The following NRG3 variants were observed in gnomAD, a reference collection of about 807,000 sequenced individuals.
The protein encoded by NRG3 is pro-neuregulin-3, membrane-bound isoform.
NRG3 carries 31 observed loss-of-function variants against 66.9 expected under a neutral mutation model. The observed-to-expected ratio is 0.46, with a 90% confidence interval of 0.35 to 0.63. The LOEUF (loss-of-function observed/expected upper bound fraction) is 0.63. Among genes scored for constraint, NRG3 ranks in the 20% least tolerant of loss-of-function variants. The pLI is 0.00. For synonymous variants in NRG3, 393 were observed against 359.4 expected (o/e 1.09, Z -1.06); for missense variants, 910 against 878.9 (o/e 1.04, Z -0.45).
At chr10:82,351,060 T>G (rs991946450) in intron 1 of NRG3, among the ~76,000 whole-genome samples, 8 of 152,154 alleles carry the variant, frequency 5.3e-5, no homozygotes, top group African/African-American at 1.9e-4. Context: ...CCTGGCTAAT[T>G]TTTTTGTGTA....
At position 82,642,312 on chromosome 10, in the gene NRG3, G is replaced by A. The variant is rs191430672; in HGVS notation, c.954-96265G>A. Among the ~76,000 whole-genome samples, 696 of 151,554 alleles carry A rather than the reference G, an allele frequency of 4.6e-3. 3 individuals carry two copies. Among genetic ancestry groups the A allele is most frequent in the Non-Finnish European group, 7.4e-3 (504 of 67,914 alleles). ...TATATTACAGCTGGCAAGTGAGAAA[G>A]AACTGTCAGAATTAGTATACCACAA... On this transcript the variant is annotated intron_variant, in intron 2 of 8. Coordinates refer to ENST00000372141, the MANE Select transcript of NRG3 (RefSeq NM_001010848.4).
chr10:82,907,735 A>G (rs1271444598), intron 4 of NRG3, among the ~76,000 whole-genome samples: 1 of 152,160 alleles, frequency 6.6e-6, no homozygotes, highest in African/African-American at 2.4e-5. Context: ...ATTTAATTCC[A>G]CAGGTATTTT....
At chr10:82,297,951 G>A (rs1354889858) in intron 1 of NRG3, among the ~76,000 whole-genome samples, 1 of 151,988 alleles carries the variant, frequency 6.6e-6, no homozygotes, top group East Asian at 1.9e-4. Context: ...AGATGAACCT[G>A]GGCAACATGG....
intron 1 of NRG3, among the ~76,000 whole-genome samples, chr10:82,274,957 T>C (rs1017738313): frequency 2.0e-5 from 3 of 152,008 alleles, no homozygotes; most frequent in Non-Finnish European, 4.4e-5. Context: ...TAGACTCTGC[T>C]TCCTCTCTCT....
intron 4 of NRG3, among the ~76,000 whole-genome samples, chr10:82,931,927 T>G (rs1034954995): frequency 2.6e-5 from 4 of 152,216 alleles, no homozygotes; most frequent in African/African-American, 9.6e-5. Context: ...GTTTAGCCTC[T>G]TTGAGCTTTT....
intron 1 of NRG3, among the ~76,000 whole-genome samples, chr10:81,889,946 C>T (rs1211911051): frequency 2.0e-5 from 3 of 152,136 alleles, no homozygotes; most frequent in African/African-American, 7.2e-5. Context: ...TGGTACCACA[C>T]TGATGCTCAT....
At chr10:82,097,517 A>G (rs573133746) in intron 1 of NRG3, among the ~76,000 whole-genome samples, 13 of 149,966 alleles carry the variant, frequency 8.7e-5, no homozygotes, top group South Asian at 6.3e-4. Flanking sequence ...GATATATGTT[A>G]TATATATCTG....
At chr10:82,613,059 T>C (rs570482882) in intron 2 of NRG3, among the ~76,000 whole-genome samples, 41 of 152,324 alleles carry the variant, frequency 2.7e-4, no homozygotes, top group African/African-American at 9.9e-4. Flanking sequence ...GGTTTTAATA[T>C]CTGTGGTATT....
chr10:82,035,027 G>T (rs2062737879), intron 1 of NRG3, among the ~76,000 whole-genome samples: 1 of 152,100 alleles, frequency 6.6e-6, no homozygotes, highest in Non-Finnish European at 1.5e-5. Flanking sequence ...ACTCCGTGCT[G>T]TTCATGGTTC....
intron 1 of NRG3, among the ~76,000 whole-genome samples, chr10:82,104,355 A>C (rs781775211): frequency 6.6e-6 from 1 of 152,140 alleles, no homozygotes; most frequent in East Asian, 1.9e-4. Context: ...TCTCTATTTC[A>C]ACAGATTGTT....
intron 2 of NRG3, among the ~76,000 whole-genome samples, chr10:82,457,570 T>G (rs957345055): frequency 2.6e-5 from 4 of 152,176 alleles, no homozygotes; most frequent in Non-Finnish European, 5.9e-5. Flanking sequence ...ACAATCTCTG[T>G]GTCTCCTGAA....
chr10:82,322,093 G>T (rs776920093), intron 1 of NRG3, among the ~76,000 whole-genome samples: 1 of 152,076 alleles, frequency 6.6e-6, no homozygotes, highest in African/African-American at 2.4e-5. Flanking sequence ...TATTCTTCTA[G>T]GAATGGGTTG....
At chr10:82,862,682 T>C (rs1460724487) in intron 3 of NRG3, among the ~76,000 whole-genome samples, 2 of 152,172 alleles carry the variant, frequency 1.3e-5, no homozygotes, top group Non-Finnish European at 2.9e-5. Flanking sequence ...ACAAGTTTGT[T>C]GCACCTCACT....
intron 4 of NRG3, among the ~76,000 whole-genome samples, chr10:82,900,856 T>G (rs914975446): frequency 6.6e-6 from 1 of 152,182 alleles, no homozygotes; most frequent in Admixed American, 6.5e-5. Context: ...CTGCATTAGT[T>G]TAAAGGAAAT....
chr10:82,475,901 C>A (rs765905346), intron 2 of NRG3, among the ~76,000 whole-genome samples: 1 of 152,070 alleles, frequency 6.6e-6, no homozygotes, highest in Non-Finnish European at 1.5e-5. Flanking sequence ...AGTGAAAAGG[C>A]AACCCATGGA....
chr10:81,968,503 T>C (rs545419295), intron 1 of NRG3, among the ~76,000 whole-genome samples: 3 of 152,312 alleles, frequency 2.0e-5, no homozygotes, highest in Admixed American at 6.5e-5. Flanking sequence ...AGCTCTGACG[T>C]TGGGGGACTG....
intron 1 of NRG3, among the ~76,000 whole-genome samples, chr10:82,171,194 A>G (rs534330720): frequency 3.4e-4 from 51 of 152,030 alleles, no homozygotes; most frequent in Non-Finnish European, 5.6e-4. Context: ...GCATAAATTA[A>G]AATAATGTGG....
Position 82,985,643 on chromosome 10 carries a change from C to T in NRG3, c.*38C>T, listed in dbSNP as rs1009288910. ...GAATCTGTGCATTCTATGCTTTGCT[C>T]AACAGGAAAGAGAGGAAATCAAATA... On this transcript the variant is annotated 3_prime_UTR_variant, in exon 9 of 9. Transcript: ENST00000372141. 3 of 1,571,280 alleles carry T rather than the reference C, an allele frequency of 1.9e-6. No individual in the cohort carries two copies. Among genetic ancestry groups the T allele is most frequent in the Non-Finnish European group, 2.6e-6 (3 of 1,165,158 alleles).
rs111575219 is a variant in NRG3 at position 81,978,536 on chromosome 10, C to T, written c.823+102373C>T. On this transcript the variant is annotated intron_variant, in intron 1 of 8. Transcript: ENST00000372141. ...AGTTTGTTTTTAACCCACACTGTAG[C>T]GTTGTTTATAGCCTCCTCCCAGTTC... is the stretch of plus-strand genomic sequence containing the variant. 5.0e-3 allele frequency among the ~76,000 whole-genome samples: 768 copies of T among 152,104 alleles called. 4 individuals are homozygous for T. Among genetic ancestry groups the T allele is most frequent in the African/African-American group, 0.017 (715 of 41,476 alleles).
Sources: gnomAD v4.1 joint callset for allele counts (sites outside exome capture counted in the v4.1 genomes callset) on GRCh38, gnomAD v4.1.1 for gene constraint, MANE v1.5 for transcripts, NCBI Gene and HGNC (gene_info 2026-07-23, HGNC 2026-07-21) for gene names.